Variants in CTNNA1 observed in about 807,000 individuals in gnomAD.
The protein encoded by CTNNA1 is catenin alpha 1.
CTNNA1 carries 37 observed loss-of-function variants against 98.4 expected under a neutral mutation model. The observed-to-expected ratio is 0.38, with a 90% CI of 0.29 to 0.49. The LOEUF (loss-of-function observed/expected upper bound fraction) is 0.49. Ranked by LOEUF, CTNNA1 falls within the 20% of genes least tolerant of loss-of-function variation. CTNNA1 has a pLI of 0.95. For missense variants in CTNNA1, 761 were observed against 1,147.2 expected (o/e 0.66, Z 4.86); for synonymous variants, 404 against 413.2 (o/e 0.98, Z 0.27).
At chr5:138,918,327 A>G (rs28363466) in intron 11 of CTNNA1, among the ~76,000 whole-genome samples, 1 of 151,666 alleles carries the variant, frequency 6.6e-6, no homozygotes, top group Non-Finnish European at 1.5e-5. Context: ...TATGAAACTT[A>G]GGAGAAGAAG....
chr5:138,755,305 G>A (rs1561488672), intron 1 of CTNNA1: 2 of 152,190 alleles, frequency 1.3e-5, no homozygotes, highest in Admixed American at 6.5e-5. Flanking sequence ...TCAGGAGGTG[G>A]TGGCATTTGA....
At chr5:138,807,087 T>A (rs1055643122) in intron 3 of CTNNA1, among the ~76,000 whole-genome samples, 1 of 150,174 alleles carries the variant, frequency 6.7e-6, no homozygotes, top group Non-Finnish European at 1.5e-5. Flanking sequence ...CTCGGCTCAC[T>A]GTAACCTCCG....
intron 7 of CTNNA1, among the ~76,000 whole-genome samples, chr5:138,865,731 C>T (rs752856345): frequency 2.0e-5 from 3 of 152,114 alleles, no homozygotes; most frequent in Non-Finnish European, 2.9e-5. Context: ...AATTTTAAGA[C>T]GTTCTTGCAT....
chr5:138,839,114 G>A (rs1356558768), intron 7 of CTNNA1, among the ~76,000 whole-genome samples: 1 of 152,066 alleles, frequency 6.6e-6, no homozygotes, highest in Non-Finnish European at 1.5e-5. Context: ...CATAAACTTT[G>A]CATGATTTCA....
intron 1 of CTNNA1, among the ~76,000 whole-genome samples, chr5:138,769,352 A>G (rs1169011507): frequency 6.6e-6 from 1 of 151,070 alleles, no homozygotes; most frequent in Non-Finnish European, 1.5e-5. Context: ...GTGTTTTTAA[A>G]TTTTTATTTT....
intron 9 of CTNNA1, among the ~76,000 whole-genome samples, chr5:138,895,271 A>T (rs1756517942): frequency 6.6e-6 from 1 of 152,160 alleles, no homozygotes; most frequent in South Asian, 2.1e-4. Context: ...TGAAGACTAT[A>T]CTTTAGAAAT....
intron 1 of CTNNA1, chr5:138,753,993 C>G (rs954150434): frequency 6.6e-6 from 1 of 152,248 alleles, no homozygotes; most frequent in African/African-American, 2.4e-5. Flanking sequence ...GTTCCTGCCC[C>G]CTCCCCCTTC....
Position 138,874,799 on chromosome 5 carries a change from A to G in CTNNA1, c.1063-11413A>G. ...GATATATGCTTTTACCTAAACCTCA[A>G]AATCCAAAATATGATGGTGATTTCC... is the stretch of plus-strand genomic sequence containing the variant. On this transcript the variant is annotated intron_variant, in intron 7 of 17. Transcript: ENST00000302763. The surrounding 1 kb of genome is among the most constrained non-coding windows in gnomAD (Gnocchi z 4.1). 6.9e-6 allele frequency: 8 copies of G among 1,159,252 alleles called. No homozygotes were observed. In the South Asian group the frequency reaches 9.6e-5, roughly 14 times the overall value. 71.8% of individuals were successfully genotyped at this position (1,159,252 alleles called of 1,614,324 possible).
chr5:138,759,830 C>T (rs1226910459), intron 1 of CTNNA1, among the ~76,000 whole-genome samples: 1 of 152,030 alleles, frequency 6.6e-6, no homozygotes, highest in Non-Finnish European at 1.5e-5. Context: ...CTGTCCCAGT[C>T]TTTCCTTGGA....
chr5:138,924,648 A>G lies in CTNNA1; in HGVS notation c.1685A>G (p.Asn562Ser), dbSNP rs748595002. Residue 562 changes from asparagine (N) to serine (S), a missense_variant, in exon 12 of 18, where the codon AAC (asparagine) becomes AGC (serine). Physicochemically the swap from Asn to Ser is conservative, Grantham distance 46 (BLOSUM62 1). This residue lies in a region of CTNNA1 where 287 missense variants were observed against 436.0 expected (regional missense o/e 0.66). Coordinates refer to ENST00000302763, the MANE Select transcript of CTNNA1 (RefSeq NM_001903.5). Reference sequence around the variant, plus strand: ...CACGTAGTCACCTCAGAGATGGACAACTATGAGCCAGGAGTCTACACAGAG... The same window carrying G: ...CACGTAGTCACCTCAGAGATGGACAGCTATGAGCCAGGAGTCTACACAGAG... Reference protein sequence around the residue: ...VIHVVTSEMDNYEPGVYTEKV... With the variant: ...VIHVVTSEMDSYEPGVYTEKV... 9 of 1,610,374 alleles carry G rather than the reference A, an allele frequency of 5.6e-6. No individual in the cohort carries two copies. Among genetic ancestry groups the G allele is most frequent in the African/African-American group, 4.0e-5 (3 of 74,846 alleles).
rs869312580 is a variant in CTNNA1 at position 138,830,907 on chromosome 5, T to C, written c.1062+3189T>C. 2.0e-4 allele frequency among the ~76,000 whole-genome samples: 30 copies of C among 152,230 alleles called. No individual in the cohort carries two copies. The highest frequency in any genetic ancestry group is 3.8e-4 in the Non-Finnish European group (26 of 68,046). ...TCTGGGAAATCCAGGAGGCTTTCTC[T>C]TCTAGAAGATTTATTTTGTAATCTT... On this transcript the variant is annotated intron_variant, in intron 7 of 17. Transcript: ENST00000302763.
At chr5:138,901,189 G>A (rs910607622) in intron 9 of CTNNA1, among the ~76,000 whole-genome samples, 2 of 151,350 alleles carry the variant, frequency 1.3e-5, no homozygotes, top group African/African-American at 2.4e-5. Context: ...AGAGAGTCTC[G>A]CTCTGTTGTC....
intron 7 of CTNNA1, chr5:138,881,206 T>C (rs1752833963): frequency 2.4e-6 from 1 of 425,398 alleles, no homozygotes; most frequent in African/African-American, 2.0e-5. Flanking sequence ...CTGCAGTGTC[T>C]GTTCTGCTCT....
At chr5:138,879,041 C>T (rs150932024) in intron 7 of CTNNA1, among the ~76,000 whole-genome samples, 217 of 152,156 alleles carry the variant, frequency 1.4e-3, no homozygotes, top group Non-Finnish European at 2.7e-3. Context: ...GAAATCCCGT[C>T]TCTACCGAAC....
chr5:138,801,672 G>C (rs1358397346), intron 3 of CTNNA1, among the ~76,000 whole-genome samples: 1 of 152,188 alleles, frequency 6.6e-6, no homozygotes, highest in Non-Finnish European at 1.5e-5. Flanking sequence ...AATCTGTTCA[G>C]TTTATGCAAA....
At chr5:138,875,517 T>G (rs1019778208) in intron 7 of CTNNA1, 34 of 985,332 alleles carry the variant, frequency 3.5e-5, no homozygotes, top group Non-Finnish European at 3.9e-5. Context: ...ACTCCTGACT[T>G]AAAAACATGA....
At chr5:138,804,411 A>G (rs529196405) in intron 3 of CTNNA1, among the ~76,000 whole-genome samples, 1 of 152,306 alleles carries the variant, frequency 6.6e-6, no homozygotes, top group South Asian at 2.1e-4. Flanking sequence ...GTGTAGTTTC[A>G]GATGTTTTCA....
intron 3 of CTNNA1, among the ~76,000 whole-genome samples, chr5:138,794,610 G>A (rs771235316): frequency 1.1e-4 from 16 of 152,184 alleles, no homozygotes; most frequent in Non-Finnish European, 2.2e-4. Context: ...TATAAGGGCT[G>A]TGTTATGAAG....
Position 138,805,448 on chromosome 5 carries a change from CCTAA to C in CTNNA1, c.302-4585_302-4582del, listed in dbSNP as rs758552674. 2.0e-5 allele frequency among the ~76,000 whole-genome samples: 3 copies of C among 152,198 alleles called. No homozygotes were observed. The South Asian group carries it at 6.2e-4, about 32-fold the overall frequency. On this transcript the variant is annotated intron_variant, in intron 3 of 17. Transcript: ENST00000302763. ...TATCTGCCTTTTTTATTATAGCCAT[CCTAA>C]CTAAGTACAAAGTGATATCTTTGTG...
Sources: allele counts gnomAD v4.1 joint callset (sites outside exome capture counted in the v4.1 genomes callset), GRCh38; gene constraint gnomAD v4.1.1; regional missense constraint gnomAD v4.1.1; non-coding constraint Gnocchi (gnomAD v3.1); transcripts MANE v1.5; gene names NCBI Gene and HGNC (gene_info 2026-07-23, HGNC 2026-07-21).